DOK5: variants seen among roughly 807,000 people sequenced by gnomAD.
DOK5 encodes docking protein 5.
Under a neutral mutation model 43.3 loss-of-function variants are expected in DOK5, and 27 were observed. The observed-to-expected ratio is 0.62, with a 90% CI of 0.46 to 0.86. The LOEUF (loss-of-function observed/expected upper bound fraction) is 0.86. Ranked by LOEUF, DOK5 falls within the 40% of genes least tolerant of loss-of-function variation. DOK5 has a pLI of 0.00. For synonymous variants in DOK5, 146 were observed against 140.1 expected, an observed-to-expected ratio of 1.04 and a Z score of -0.30; for missense variants, 373 against 392.9, an observed-to-expected ratio of 0.95 and a Z score of 0.43.
intron 4 of DOK5, among the ~76,000 whole-genome samples, chr20:54,589,971 T>C (rs1344901599): frequency 2.0e-5 from 3 of 152,132 alleles, no homozygotes; most frequent in Non-Finnish European, 2.9e-5. Context: ...GGCTCCTCCT[T>C]CTCTGGTTCA....
intron 2 of DOK5, among the ~76,000 whole-genome samples, chr20:54,574,058 A>G (rs1985379168): frequency 6.6e-6 from 1 of 152,208 alleles, no homozygotes; most frequent in Non-Finnish European, 1.5e-5. Context: ...CTGACAAAGT[A>G]GCCTTCTGTC....
chr20:54,618,580 T>C (rs1986887796), intron 6 of DOK5, among the ~76,000 whole-genome samples: 1 of 152,128 alleles, frequency 6.6e-6, no homozygotes, highest in South Asian at 2.1e-4. Context: ...CCTGACCTTG[T>C]GGTCTGCCCG....
chr20:54,621,696 A>AG (rs893775860), intron 6 of DOK5, among the ~76,000 whole-genome samples: 3 of 152,176 alleles, frequency 2.0e-5, no homozygotes, highest in African/African-American at 7.2e-5. Flanking sequence ...CTCAAAAAAA[A>AG]AAAAATCACG....
At chr20:54,518,577 A>G (rs1983282730) in intron 1 of DOK5, among the ~76,000 whole-genome samples, 3 of 152,206 alleles carry the variant, frequency 2.0e-5, no homozygotes, top group Admixed American at 2.0e-4. Context: ...TAGTGCCGCA[A>G]TAAACATACA....
At chr20:54,586,536 G>C (rs1985808850) in intron 2 of DOK5, among the ~76,000 whole-genome samples, 1 of 152,192 alleles carries the variant, frequency 6.6e-6, no homozygotes, top group African/African-American at 2.4e-5. Flanking sequence ...GGAGCACAAT[G>C]ATGAGCAGAG....
Position 54,576,215 on chromosome 20 carries a change from G to A in DOK5, c.175-12268G>A, listed in dbSNP as rs531823337. ...GATAAAAGTATAATAATCCAACTTC[G>A]TATTTCTTAAAATCAGTTATATGTT... On this transcript the variant is annotated intron_variant, in intron 2 of 7. Transcript: ENST00000262593. Among the ~76,000 whole-genome samples the A allele has an allele frequency of 6.6e-5, 10 of 152,062 alleles. No individual in the cohort carries two copies. The East Asian group carries it at 7.7e-4, about 12-fold the overall frequency.
chr20:54,568,141 G>A (rs1985155179), intron 2 of DOK5, among the ~76,000 whole-genome samples: 1 of 152,112 alleles, frequency 6.6e-6, no homozygotes, highest in South Asian at 2.1e-4. Flanking sequence ...GTCTGTCATT[G>A]GACTATTTGT....
chr20:54,486,566 C>G (rs1027238236), intron 1 of DOK5, among the ~76,000 whole-genome samples: 2 of 150,878 alleles, frequency 1.3e-5, no homozygotes, highest in South Asian at 4.1e-4. Flanking sequence ...TACACACACA[C>G]ACATGCACAC....
At chr20:54,558,771 C>T (rs1040788877) in intron 2 of DOK5, among the ~76,000 whole-genome samples, 1 of 152,022 alleles carries the variant, frequency 6.6e-6, no homozygotes, top group African/African-American at 2.4e-5. Flanking sequence ...TATAAGAGCA[C>T]AGTACTTCTC....
At chr20:54,631,713 C>T (rs977698996) in intron 6 of DOK5, among the ~76,000 whole-genome samples, 2 of 152,122 alleles carry the variant, frequency 1.3e-5, no homozygotes, top group African/African-American at 4.8e-5. Context: ...GTGGCTCACA[C>T]CTGTAATCCC....
rs190269271 is a variant in DOK5, at chr20:54,558,093, A to G, written c.174+3053A>G. On this transcript the variant is annotated intron_variant, in intron 2 of 7. Transcript: ENST00000262593. ...TATGTGTCATACTTTTATTTAGTTT[A>G]CCAGAAGAAATCTGTACTTGAGGCA... 1.2e-4 allele frequency among the ~76,000 whole-genome samples: 18 copies of G among 152,338 alleles called. No individual in the cohort carries two copies. The East Asian group carries it at 2.7e-3, about 23-fold the overall frequency.
At chr20:54,598,537 T>G (rs977913762) in intron 5 of DOK5, among the ~76,000 whole-genome samples, 1 of 152,200 alleles carries the variant, frequency 6.6e-6, no homozygotes, top group African/African-American at 2.4e-5. Context: ...AGCTTGCTGC[T>G]GAGTTAGCAT....
intron 5 of DOK5, among the ~76,000 whole-genome samples, chr20:54,604,118 T>C (rs1986390937): frequency 6.6e-6 from 1 of 151,766 alleles, no homozygotes; most frequent in African/African-American, 2.4e-5. Context: ...GGCTAATTTT[T>C]TGCATTTTGA....
At chr20:54,594,016 GAGGATC>G (rs1348016383) in intron 5 of DOK5, among the ~76,000 whole-genome samples, 1 of 152,134 alleles carries the variant, frequency 6.6e-6, no homozygotes, top group Non-Finnish European at 1.5e-5. Context: ...GGGGAAGGGA[GAGGATC>G]AGGAAAAATA....
At chr20:54,611,519 C>T (rs1371530846) in intron 6 of DOK5, among the ~76,000 whole-genome samples, 1 of 151,964 alleles carries the variant, frequency 6.6e-6, no homozygotes, top group Admixed American at 6.6e-5. Context: ...CGAGTTTGTG[C>T]CACTGCACTT....
At chr20:54,484,245 G>A (rs1057336962) in intron 1 of DOK5, among the ~76,000 whole-genome samples, 1 of 152,070 alleles carries the variant, frequency 6.6e-6, no homozygotes, top group African/African-American at 2.4e-5. Flanking sequence ...TGGGCATGGT[G>A]GCAGGTGCCT....
chr20:54,529,761 C>T (rs1983705452), intron 1 of DOK5, among the ~76,000 whole-genome samples: 1 of 152,138 alleles, frequency 6.6e-6, no homozygotes, highest in Non-Finnish European at 1.5e-5. Flanking sequence ...ACCACAAATC[C>T]ACTTTCTGTT....
chr20:54,616,723 G>C (rs1986818886), intron 6 of DOK5, among the ~76,000 whole-genome samples: 1 of 151,536 alleles, frequency 6.6e-6, no homozygotes, highest in Non-Finnish European at 1.5e-5. Flanking sequence ...GGTTTCTGTT[G>C]GGGCTGCAGT....
intron 4 of DOK5, among the ~76,000 whole-genome samples, chr20:54,589,890 C>G (rs532845455): frequency 1.3e-5 from 2 of 152,062 alleles, no homozygotes; most frequent in Non-Finnish European, 2.9e-5. Context: ...TTCAGAGGAG[C>G]CTCTTTGTAG....
Sources: allele counts gnomAD v4.1 joint callset (sites outside exome capture counted in the v4.1 genomes callset), GRCh38; gene constraint gnomAD v4.1.1; transcripts MANE v1.5; gene names NCBI Gene and HGNC (gene_info 2026-07-23, HGNC 2026-07-21).